EBF3: variants seen among roughly 807,000 people sequenced by gnomAD.
EBF3 encodes transcription factor COE3.
EBF3 carries 18 observed loss-of-function variants against 77.1 expected under a neutral mutation model. The observed-to-expected ratio is 0.23, with a 90% CI of 0.16 to 0.35. EBF3 has a LOEUF of 0.35. Ranked by LOEUF, EBF3 falls within the 10% of genes least tolerant of loss-of-function variation. The pLI is 1.00. For missense variants in EBF3, 558 were observed against 860.0 expected (o/e 0.65, Z 4.39); for synonymous variants, 350 against 343.5 (o/e 1.02, Z -0.21).
rs552879568 is a variant in EBF3 at position 129,862,473 on chromosome 10, G to A, written c.1039+4668C>T. Among the ~76,000 whole-genome samples the A allele has an allele frequency of 7.9e-5, 12 of 152,144 alleles. No individual in the cohort carries two copies. In the South Asian group the frequency reaches 8.3e-4, roughly 11 times the overall value. ...GTAATTTGTGGTAATTTCTTTAATC[G>A]AGCAAAAGAAATCTCTAAAAGGAGG... On this transcript the variant is annotated intron_variant, in intron 10 of 16. Coordinates refer to ENST00000440978, the MANE Select transcript of EBF3 (RefSeq NM_001375380.1).
At chr10:129,906,400 A>G (rs1164811367) in intron 6 of EBF3, among the ~76,000 whole-genome samples, 1 of 152,202 alleles carries the variant, frequency 6.6e-6, no homozygotes, top group African/African-American at 2.4e-5. Flanking sequence ...ATCCCATTAA[A>G]CTGCTGCAGA....
At chr10:129,844,592 G>A (rs1850322761) in intron 11 of EBF3, among the ~76,000 whole-genome samples, 1 of 152,092 alleles carries the variant, frequency 6.6e-6, no homozygotes, top group Admixed American at 6.5e-5. Flanking sequence ...TGCCGACTCT[G>A]GACCCTTTAT....
In EBF3 at chr10:129,873,585, C is replaced by T. The variant is rs764788179; in HGVS notation, c.648G>A (p.Ser216=). Reference sequence around the variant, plus strand: ...CGTGGCCGTCCACGTTGACTGTTGTCGATACAACAACCTGCAAAGATGAAG... The same window carrying T: ...CGTGGCCGTCCACGTTGACTGTTGTTGATACAACAACCTGCAAAGATGAAG... The part of the protein sequence containing the change: ...RDMRRFQVVV[S]TTVNVDGHVL... The change falls in exon 8 of 17, where the codon TCG becomes TCA. Residue 216 remains serine (S), a synonymous_variant. Coordinates refer to ENST00000440978, the MANE Select transcript of EBF3 (RefSeq NM_001375380.1). The T allele has an allele frequency of 1.0e-5, 16 of 1,540,450 alleles. No individual in the cohort carries two copies. The highest frequency in any genetic ancestry group is 1.2e-5 in the South Asian group (1 of 80,946).
At position 129,935,451 on chromosome 10, in the gene EBF3, G is replaced by A. The variant is rs1427788856; in HGVS notation, c.554+21807C>T. 3.3e-5 allele frequency among the ~76,000 whole-genome samples: 5 copies of A among 152,154 alleles called. No individual in the cohort carries two copies. Among genetic ancestry groups the A allele is most frequent in the African/African-American group, 9.7e-5 (4 of 41,430 alleles). ...TTCTGTGCTGCAAACTCCCACCAACGGGACCTCCTTGAGGACAGAGCAGCT... is the reference window on the plus strand; with the variant it reads ...TTCTGTGCTGCAAACTCCCACCAACAGGACCTCCTTGAGGACAGAGCAGCT... On this transcript the variant is annotated intron_variant, in intron 6 of 16. Transcript: ENST00000440978. This position sits in a 1 kb window ranked among gnomAD's most constrained non-coding sequence, Gnocchi z 4.2.
chr10:129,920,664 T>C (rs1036571869), intron 6 of EBF3, among the ~76,000 whole-genome samples: 2 of 152,204 alleles, frequency 1.3e-5, no homozygotes, highest in African/African-American at 4.8e-5. Context: ...CCGAAGAATC[T>C]TGGAAAGCCA....
intron 6 of EBF3, among the ~76,000 whole-genome samples, chr10:129,890,956 C>T (rs1853980928): frequency 6.6e-6 from 1 of 152,180 alleles, no homozygotes. Context: ...ACTTGATAGG[C>T]CACAAGGTTC....
chr10:129,956,050 G>A (rs1353893571), intron 6 of EBF3, among the ~76,000 whole-genome samples: 1 of 152,212 alleles, frequency 6.6e-6, no homozygotes, highest in African/African-American at 2.4e-5. Context: ...CTGAGTGACA[G>A]CCACAACTGG....
Position 129,867,044 on chromosome 10 carries a change from GC to G in EBF3, c.1039+96del, listed in dbSNP as rs1852069154. 4.8e-6 allele frequency: 7 copies of G among 1,449,610 alleles called. No individual in the cohort carries two copies. The South Asian group carries it at 7.5e-5, about 16-fold the overall frequency. The allele number at this position is 1,449,610 out of a possible 1,614,324, so 89.8% of individuals were successfully genotyped here. ...TTTGTCTGTCTTTCCACAGACCCCTGCCCTCTCTGTACAGTCCTCCCGTGCC... is the reference window on the plus strand; with the variant it reads ...TTTGTCTGTCTTTCCACAGACCCCTGCCTCTCTGTACAGTCCTCCCGTGCC... On this transcript the variant is annotated intron_variant, in intron 10 of 16. Coordinates refer to ENST00000440978, the MANE Select transcript of EBF3 (RefSeq NM_001375380.1).
chr10:129,915,539 G>A (rs528750749), intron 6 of EBF3, among the ~76,000 whole-genome samples: 6 of 151,818 alleles, frequency 4.0e-5, no homozygotes, highest in East Asian at 1.9e-4. Context: ...GAAGTGAGTC[G>A]GGGAGCCCAT....
chr10:129,908,588 A>G (rs1213978722), intron 6 of EBF3, among the ~76,000 whole-genome samples: 3 of 152,246 alleles, frequency 2.0e-5, no homozygotes, highest in Non-Finnish European at 4.4e-5. Flanking sequence ...AACTCCTCCA[A>G]GAAAACTCAG....
chr10:129,958,907 C>CCCCGCGG, intron 5 of EBF3, 27 bp downstream of exon 5: 1 of 1,582,572 alleles, frequency 6.3e-7, no homozygotes, highest in South Asian at 1.1e-5. Context: ...CAGCCCGCGC[C>CCCCGCGG]CCCGCCGCCC....
At chr10:129,948,959 C>A in intron 6 of EBF3, among the ~76,000 whole-genome samples, 1 of 152,162 alleles carries the variant, frequency 6.6e-6, no homozygotes, top group East Asian at 1.9e-4. Context: ...GTCAGAAGAG[C>A]ATTTAGGCCC....
rs559476871 is a variant in EBF3, at chr10:129,837,999, C to T, written c.1873-39G>A. 251 of 1,613,556 alleles carry T rather than the reference C, an allele frequency of 1.6e-4. 4 individuals are homozygous for T. The South Asian group carries it at 2.2e-3, about 14-fold the overall frequency. On this transcript the variant is annotated intron_variant, in intron 16 of 16. Transcript: ENST00000440978. The stretch of plus-strand genomic sequence containing the variant: ...GGACAGAGCAGTTACTGCAGGCTCC[C>T]CCACGCGCCCTCCCGCCAACGCTGA...
chr10:129,939,071 C>T lies in EBF3; in HGVS notation c.554+18187G>A, dbSNP rs573418106. 1.2e-4 allele frequency among the ~76,000 whole-genome samples: 19 copies of T among 152,362 alleles called. No individual in the cohort carries two copies. The South Asian group carries it at 3.7e-3, about 30-fold the overall frequency. On this transcript the variant is annotated intron_variant, in intron 6 of 16. Transcript: ENST00000440978. ...AATAATCTGAATCTCAAGTTCATTA[C>T]ATTTCAGAAGCAAACAATCCCACCC...
rs142725803 is a variant in EBF3 at position 129,943,861 on chromosome 10, G to A, written c.554+13397C>T. On this transcript the variant is annotated intron_variant, in intron 6 of 16. Transcript: ENST00000440978. This position sits in a 1 kb window ranked among gnomAD's most constrained non-coding sequence, Gnocchi z 8.8. ...TCTCTGGAACCATATGTTCAGCAACGTTATGGAGGGCGCTGGCCTTCGGCG... is the reference window on the plus strand; with the variant it reads ...TCTCTGGAACCATATGTTCAGCAACATTATGGAGGGCGCTGGCCTTCGGCG... Among the ~76,000 whole-genome samples the A allele has an allele frequency of 4.2e-3, 637 of 152,320 alleles. 5 individuals carry two copies. The highest frequency in any genetic ancestry group is 7.3e-3 in the South Asian group (35 of 4,820).
chr10:129,962,079 A>G lies in EBF3; in HGVS notation c.411+92T>C, dbSNP rs1321297225. The stretch of plus-strand genomic sequence containing the variant: ...AGGAAACTCAATGGAAAACAAATAC[A>G]CGAGATCCATTTGTCAGTGCCCTTG... On this transcript the variant is annotated intron_variant, in intron 4 of 16. Coordinates refer to ENST00000440978, the MANE Select transcript of EBF3 (RefSeq NM_001375380.1). The G allele has an allele frequency of 7.5e-6, 9 of 1,202,886 alleles. No homozygotes were observed. The Middle Eastern group carries it at 5.8e-4, about 78-fold the overall frequency. The allele number at this position is 1,202,886 out of a possible 1,614,324, so 74.5% of individuals were successfully genotyped here. A position where few individuals can be genotyped will look rare whatever the true frequency, so the allele number is the denominator to read the frequency against.
intron 6 of EBF3, among the ~76,000 whole-genome samples, chr10:129,895,184 G>A (rs1484733219): frequency 1.3e-5 from 2 of 152,218 alleles, no homozygotes; most frequent in Non-Finnish European, 2.9e-5. Context: ...AGGACTATAT[G>A]GAATTGCTTG....
intron 10 of EBF3, among the ~76,000 whole-genome samples, chr10:129,850,999 C>T (rs993772397): frequency 2.0e-5 from 3 of 152,322 alleles, no homozygotes; most frequent in East Asian, 1.9e-4. Flanking sequence ...GGCGCTGGCA[C>T]GTCCAGTCAC....
chr10:129,894,813 G>A (rs1203768048), intron 6 of EBF3, among the ~76,000 whole-genome samples: 2 of 152,218 alleles, frequency 1.3e-5, no homozygotes, highest in Non-Finnish European at 2.9e-5. Context: ...TCTGACAGTA[G>A]GTAAAAGGCA....
Sources: allele counts gnomAD v4.1 joint callset (sites outside exome capture counted in the v4.1 genomes callset), GRCh38; gene constraint gnomAD v4.1.1; non-coding constraint Gnocchi (gnomAD v3.1); transcripts MANE v1.5; gene names NCBI Gene and HGNC (gene_info 2026-07-23, HGNC 2026-07-21).